Variants in TRPS1 observed in about 807,000 individuals in gnomAD.
TRPS1 encodes the protein transcriptional repressor GATA binding 1, also known as zinc finger transcription factor Trps1.
Under a neutral mutation model 101.2 loss-of-function variants are expected in TRPS1, and 6 were observed. The ratio of observed to expected loss-of-function variants is 0.06; its 90% CI spans 0.03 to 0.12. The LOEUF is 0.12. TRPS1 is among the 10% of genes least tolerant of loss of function. The pLI is 1.00. For missense variants in TRPS1, 1,363 were observed against 1,567.0 expected, an observed-to-expected ratio of 0.87 and a Z score of 2.20; for synonymous variants, 578 against 589.8, an observed-to-expected ratio of 0.98 and a Z score of 0.29.
chr8:115,559,171 C>G (rs745938935), intron 5 of TRPS1, among the ~76,000 whole-genome samples: 14 of 152,144 alleles, frequency 9.2e-5, no homozygotes, highest in East Asian at 1.9e-4. Context: ...GATGTCTTCT[C>G]CATTTATGCT....
intron 5 of TRPS1, among the ~76,000 whole-genome samples, chr8:115,555,848 C>T (rs1170650088): frequency 1.2e-5 from 1 of 82,664 alleles, no homozygotes; most frequent in Non-Finnish European, 2.0e-5. Flanking sequence ...ACAAAAAATA[C>T]AAACAAACAA....
chr8:115,415,413 G>A (rs1812894818), intron 6 of TRPS1, among the ~76,000 whole-genome samples: 1 of 152,088 alleles, frequency 6.6e-6, no homozygotes, highest in African/African-American at 2.4e-5. Flanking sequence ...GAAGAGATGT[G>A]ATTTTTCTGA....
At chr8:115,424,878 A>G (rs1359209325) in intron 5 of TRPS1, among the ~76,000 whole-genome samples, 1 of 152,230 alleles carries the variant, frequency 6.6e-6, no homozygotes, top group Non-Finnish European at 1.5e-5. Flanking sequence ...TTGATATTCC[A>G]TAATTCAATA....
intron 5 of TRPS1, among the ~76,000 whole-genome samples, chr8:115,537,869 G>T (rs189576370): frequency 1.4e-4 from 21 of 152,278 alleles, no homozygotes; most frequent in Non-Finnish European, 2.8e-4. Context: ...TAGTCACATT[G>T]TACAGAGCTA....
At chr8:115,638,183 C>A (rs1036643699) in intron 1 of TRPS1, among the ~76,000 whole-genome samples, 1 of 152,150 alleles carries the variant, frequency 6.6e-6, no homozygotes, top group Non-Finnish European at 1.5e-5. Context: ...TGACAGACCT[C>A]AGATTTAGGT....
chr8:115,494,999 A>G (rs1374844287), intron 5 of TRPS1, among the ~76,000 whole-genome samples: 1 of 152,126 alleles, frequency 6.6e-6, no homozygotes, highest in Non-Finnish European at 1.5e-5. Flanking sequence ...CCTGACCCTG[A>G]ATTTTACCTG....
At chr8:115,518,960 A>C (rs1815790209) in intron 5 of TRPS1, among the ~76,000 whole-genome samples, 1 of 151,814 alleles carries the variant, frequency 6.6e-6, no homozygotes, top group South Asian at 2.1e-4. Context: ...GCTACTATGC[A>C]ACACTTTCCT....
intron 5 of TRPS1, among the ~76,000 whole-genome samples, chr8:115,467,539 A>G (rs1224661402): frequency 6.6e-6 from 1 of 152,034 alleles, no homozygotes; most frequent in Non-Finnish European, 1.5e-5. Context: ...AGGCTTTCCT[A>G]TATTGCGATA....
chr8:115,499,968 C>CTTTCTTTCTTTCT (rs1563555777), intron 5 of TRPS1, among the ~76,000 whole-genome samples: 1 of 95,952 alleles, frequency 1.0e-5, no homozygotes, highest in African/African-American at 4.3e-5. Flanking sequence ...TCTTTCTTTT[C>CTTTCTTTCTTTCT]TTTTCTTTTC....
At chr8:115,444,454 T>C (rs1029118596) in intron 5 of TRPS1, among the ~76,000 whole-genome samples, 1 of 152,246 alleles carries the variant, frequency 6.6e-6, no homozygotes, top group Non-Finnish European at 1.5e-5. Context: ...TCTTTTTAGG[T>C]CCAGGTCAAA....
intron 5 of TRPS1, among the ~76,000 whole-genome samples, chr8:115,435,715 T>A (rs1270592393): frequency 6.6e-6 from 1 of 152,182 alleles, no homozygotes; most frequent in Non-Finnish European, 1.5e-5. Context: ...CTTTCCAAAG[T>A]CAGCAAAACC....
chr8:115,456,252 G>A (rs764364806), intron 5 of TRPS1, among the ~76,000 whole-genome samples: 7 of 152,096 alleles, frequency 4.6e-5, no homozygotes, highest in South Asian at 2.1e-4. Context: ...ATTACGCAAC[G>A]TGTCAAGAAC....
chr8:115,558,337 C>T (rs1038190779), intron 5 of TRPS1, among the ~76,000 whole-genome samples: 1 of 152,100 alleles, frequency 6.6e-6, no homozygotes, highest in Non-Finnish European at 1.5e-5. Context: ...AATCAAAGCT[C>T]TTCAATTTCC....
At position 115,414,435 on chromosome 8, in the gene TRPS1, G is replaced by C; in HGVS notation, c.3473C>G (p.Pro1158Arg). ...AAAATGAGGAGGCAGATTGAAGGTGGGATAAGGCACATAGTTTTGGCAAGG... is the reference window on the plus strand; with the variant it reads ...AAAATGAGGAGGCAGATTGAAGGTGCGATAAGGCACATAGTTTTGGCAAGG... ...PNPCQNYVPY[P>R]TFNLPPHFSA... is the part of the protein sequence containing the mutation. The change falls in exon 7 of 7, where the codon CCC becomes CGC. Residue 1158 changes from proline (P) to arginine (R), a missense_variant. Coordinates refer to ENST00000395715, the MANE Select transcript of TRPS1 (RefSeq NM_014112.5). The surrounding 1 kb of genome is among the most constrained non-coding windows in gnomAD (Gnocchi z 4.8). 1 of 1,613,908 alleles carries C rather than the reference G, an allele frequency of 6.2e-7. No homozygotes were observed. Among genetic ancestry groups the C allele is most frequent in the Non-Finnish European group, 8.5e-7 (1 of 1,179,938 alleles).
In TRPS1 at chr8:115,642,261, T is replaced by TATAC. The variant is rs1563664911; in HGVS notation, c.-121-18504_-121-18503insGTAT. On this transcript the variant is annotated intron_variant, in intron 1 of 6. Coordinates refer to ENST00000395715, the MANE Select transcript of TRPS1 (RefSeq NM_014112.5). ...AGAAACCTGTGTGTATATATATATA[T>TATAC]ACACACATACACATTCAAGACACTA... is the stretch of plus-strand genomic sequence containing the variant. Among the ~76,000 whole-genome samples, 1,147 of 148,148 alleles carry TATAC rather than the reference T, an allele frequency of 7.7e-3. 17 individuals are homozygous for TATAC. The highest frequency in any genetic ancestry group is 0.027 in the African/African-American group (1,067 of 39,864).
At chr8:115,592,942 A>T (rs987321872) in intron 4 of TRPS1, among the ~76,000 whole-genome samples, 1 of 152,302 alleles carries the variant, frequency 6.6e-6, no homozygotes, top group South Asian at 2.1e-4. Flanking sequence ...TGTACTCTTA[A>T]TATACCTGTA....
chr8:115,507,834 C>T lies in TRPS1; in HGVS notation c.2700+79167G>A, dbSNP rs574305260. 7.0e-4 allele frequency among the ~76,000 whole-genome samples: 106 copies of T among 151,932 alleles called. 1 individual carries two copies. Among genetic ancestry groups the T allele is most frequent in the African/African-American group, 1.8e-3 (74 of 41,460 alleles). The stretch of plus-strand genomic sequence containing the variant: ...TTACAACTATTATATAGGTCTGGCC[C>T]GAGGGTGAAGCTTCTGCCTAGGCTG... On this transcript the variant is annotated intron_variant, in intron 5 of 6. Transcript: ENST00000395715.
chr8:115,438,334 A>G (rs1052686764), intron 5 of TRPS1, among the ~76,000 whole-genome samples: 5 of 152,232 alleles, frequency 3.3e-5, no homozygotes, highest in African/African-American at 1.2e-4. Flanking sequence ...CACAATGGTA[A>G]AAGACATGAC....
At chr8:115,642,554 T>C (rs1818925025) in intron 1 of TRPS1, among the ~76,000 whole-genome samples, 1 of 151,954 alleles carries the variant, frequency 6.6e-6, no homozygotes, top group Non-Finnish European at 1.5e-5. Context: ...CCTCCAATTA[T>C]GAAACTTGTG....
Sources: allele counts gnomAD v4.1 joint callset (sites outside exome capture counted in the v4.1 genomes callset), GRCh38; gene constraint gnomAD v4.1.1; non-coding constraint Gnocchi (gnomAD v3.1); transcripts MANE v1.5; gene names NCBI Gene and HGNC (gene_info 2026-07-23, HGNC 2026-07-21).